Variants in TAFA5 observed in about 807,000 individuals in gnomAD.
TAFA5 encodes TAFA chemokine like family member 5, also known as chemokine-like protein TAFA-5.
A neutral mutation model predicts 15.3 loss-of-function variants in TAFA5; 6 were observed. The observed-to-expected ratio is 0.39, with a 90% CI of 0.21 to 0.77. The LOEUF (loss-of-function observed/expected upper bound fraction) is 0.77. Among genes scored for constraint, TAFA5 ranks in the 30% least tolerant of loss-of-function variants. The pLI, the probability that TAFA5 is intolerant of heterozygous loss-of-function variation, is 0.41. For synonymous variants in TAFA5, 103 were observed against 80.7 expected (o/e 1.28, Z -1.48); for missense variants, 161 against 193.1 (o/e 0.83, Z 0.98).
At chr22:48,594,808 C>A (rs1211060453) in intron 1 of TAFA5, among the ~76,000 whole-genome samples, 4 of 152,076 alleles carry the variant, frequency 2.6e-5, no homozygotes, top group Admixed American at 2.0e-4. Flanking sequence ...GGGCGCCCTG[C>A]CAGGATGCTC....
intron 1 of TAFA5, among the ~76,000 whole-genome samples, chr22:48,576,039 A>AC (rs535068094): frequency 0.026 from 830 of 31,342 alleles, 296 homozygotes; most frequent in African/African-American, 0.036. Context: ...GCCGCGCCGG[A>AC]CCCCCCCCCC....
At chr22:48,739,071 A>G (rs1281794632) in intron 3 of TAFA5, among the ~76,000 whole-genome samples, 1 of 152,210 alleles carries the variant, frequency 6.6e-6, no homozygotes, top group Non-Finnish European at 1.5e-5. Flanking sequence ...CTGCAAAAGC[A>G]GCAGCTCCAT....
intron 2 of TAFA5, among the ~76,000 whole-genome samples, chr22:48,701,258 C>T (rs1354164178): frequency 1.3e-5 from 2 of 152,176 alleles, no homozygotes; most frequent in Admixed American, 6.5e-5. Context: ...TCCACCCTCC[C>T]TCCACCCTGC....
At chr22:48,593,353 C>A (rs1434338243) in intron 1 of TAFA5, among the ~76,000 whole-genome samples, 1 of 152,116 alleles carries the variant, frequency 6.6e-6, no homozygotes, top group African/African-American at 2.4e-5. Context: ...GAGGGACTGG[C>A]CCAAGGCCAT....
intron 1 of TAFA5, among the ~76,000 whole-genome samples, chr22:48,520,326 C>T (rs1363702331): frequency 6.6e-6 from 1 of 152,270 alleles, no homozygotes; most frequent in African/African-American, 2.4e-5. Flanking sequence ...GGTCCCAGTA[C>T]TGACCCCGGC....
intron 1 of TAFA5, among the ~76,000 whole-genome samples, chr22:48,596,377 C>G (rs575018681): frequency 3.8e-4 from 58 of 152,314 alleles, no homozygotes; most frequent in African/African-American, 1.4e-3. Flanking sequence ...CAGCCCCCTC[C>G]CGGTGTGGTC....
intron 1 of TAFA5, among the ~76,000 whole-genome samples, chr22:48,638,687 C>G (rs1926555407): frequency 2.1e-5 from 2 of 96,932 alleles, no homozygotes; most frequent in Non-Finnish European, 4.4e-5. Flanking sequence ...TACCACCCCC[C>G]TGGACACTAA....
intron 1 of TAFA5, among the ~76,000 whole-genome samples, chr22:48,584,948 T>TCA (rs1021776662): frequency 9.8e-6 from 1 of 102,464 alleles, no homozygotes; most frequent in African/African-American, 4.2e-5. Context: ...TGCACTGATA[T>TCA]CACACACACA....
chr22:48,693,615 G>A (rs1474797691), intron 2 of TAFA5, among the ~76,000 whole-genome samples: 2 of 152,062 alleles, frequency 1.3e-5, no homozygotes, highest in Non-Finnish European at 2.9e-5. Flanking sequence ...TTCTGCCTTC[G>A]TCCCGTCCTG....
chr22:48,637,413 T>C (rs1926489737), intron 1 of TAFA5, among the ~76,000 whole-genome samples: 1 of 152,194 alleles, frequency 6.6e-6, no homozygotes, highest in African/African-American at 2.4e-5. Context: ...CGGTTCCTGC[T>C]AACGCCTCCT....
chr22:48,611,007 C>A (rs1368307100), intron 1 of TAFA5, among the ~76,000 whole-genome samples: 1 of 151,590 alleles, frequency 6.6e-6, no homozygotes, highest in Non-Finnish European at 1.5e-5. Context: ...AGTCTCGGCT[C>A]GCTGCAACCT....
intron 1 of TAFA5, among the ~76,000 whole-genome samples, chr22:48,600,558 G>T (rs953107141): frequency 1.5e-5 from 1 of 67,064 alleles, no homozygotes; most frequent in African/African-American, 6.5e-5. Context: ...GTGTCTGTAC[G>T]TGTGATTTCG....
intron 2 of TAFA5, among the ~76,000 whole-genome samples, chr22:48,667,739 TC>T (rs1301354370): frequency 6.7e-6 from 1 of 150,106 alleles, no homozygotes; most frequent in Non-Finnish European, 1.5e-5. Flanking sequence ...GGAGCGTTAA[TC>T]CCCCAGCACT....
rs564191713 is a variant in TAFA5 at position 48,598,101 on chromosome 22, G to A, written c.113-48496G>A. ...GTCAGTATGACATCTGCAGGGAAGAGGGCAGGCTGGAGACGCAGCGAGAGG... is the reference window on the plus strand; with the variant it reads ...GTCAGTATGACATCTGCAGGGAAGAAGGCAGGCTGGAGACGCAGCGAGAGG... On this transcript the variant is annotated intron_variant, in intron 1 of 3. Transcript: ENST00000402357. The surrounding 1 kb of genome is among the most constrained non-coding windows in gnomAD (Gnocchi z 4.0). 1.7e-4 allele frequency among the ~76,000 whole-genome samples: 26 copies of A among 152,294 alleles called. No homozygotes were observed. The highest frequency in any genetic ancestry group is 6.3e-4 in the African/African-American group (26 of 41,564).
At chr22:48,611,677 T>G (rs1235442212) in intron 1 of TAFA5, among the ~76,000 whole-genome samples, 2 of 152,120 alleles carry the variant, frequency 1.3e-5, no homozygotes, top group Non-Finnish European at 2.9e-5. Flanking sequence ...CTTTCTTGCC[T>G]CTCCTGGTAG....
rs956586207 is a variant in TAFA5, at chr22:48,742,827, G to A, written c.391-7012G>A. On this transcript the variant is annotated intron_variant, in intron 3 of 3. Transcript: ENST00000402357. The surrounding 1 kb of genome is among the most constrained non-coding windows in gnomAD (Gnocchi z 6.2). ...GCTCAGCGGGGCTGAGTCCCCAGCT[G>A]GGAGCTCAGGTGCGATGAAGCCCAA... is the stretch of plus-strand genomic sequence containing the variant. Among the ~76,000 whole-genome samples the A allele has an allele frequency of 2.0e-5, 3 of 152,184 alleles. No homozygotes were observed. The highest frequency in any genetic ancestry group is 2.9e-5 in the Non-Finnish European group (2 of 68,022).
At chr22:48,675,034 T>C (rs1296456560) in intron 2 of TAFA5, among the ~76,000 whole-genome samples, 2 of 151,510 alleles carry the variant, frequency 1.3e-5, no homozygotes, top group African/African-American at 4.9e-5. Flanking sequence ...CTCCGCCTCC[T>C]GGGTTCAAGA....
chr22:48,674,157 C>T (rs1333743619), intron 2 of TAFA5, among the ~76,000 whole-genome samples: 3 of 152,174 alleles, frequency 2.0e-5, no homozygotes, highest in Non-Finnish European at 2.9e-5. Flanking sequence ...TTGGGCCGGG[C>T]GGTGCAGATG....
At chr22:48,582,427 T>C (rs111174469) in intron 1 of TAFA5, among the ~76,000 whole-genome samples, 145 of 76,566 alleles carry the variant, frequency 1.9e-3, no homozygotes, top group South Asian at 2.3e-3. Context: ...ATACACCACA[T>C]ACCACACACA....
Sources: allele counts gnomAD v4.1 joint callset (sites outside exome capture counted in the v4.1 genomes callset), GRCh38; gene constraint gnomAD v4.1.1; non-coding constraint Gnocchi (gnomAD v3.1); transcripts MANE v1.5; gene names NCBI Gene and HGNC (gene_info 2026-07-23, HGNC 2026-07-21).